The following MAMDC2 variants were observed in gnomAD, a reference collection of about 807,000 sequenced individuals.
The protein encoded by MAMDC2 is MAM domain-containing protein 2.
Under a neutral mutation model 89.8 loss-of-function variants are expected in MAMDC2, and 57 were observed. The ratio of observed to expected loss-of-function variants is 0.63; its 90% CI spans 0.51 to 0.79. The LOEUF is 0.79. Ranked by LOEUF, MAMDC2 falls within the 30% of genes least tolerant of loss-of-function variation. The pLI is 0.00. For missense variants in MAMDC2, 800 were observed against 820.6 expected (o/e 0.97, Z 0.31); for synonymous variants, 313 against 293.4 (o/e 1.07, Z -0.68).
At chr9:70,065,825 A>C (rs1827250600) in intron 2 of MAMDC2, among the ~76,000 whole-genome samples, 1 of 152,206 alleles carries the variant, frequency 6.6e-6, no homozygotes, top group South Asian at 2.1e-4. Flanking sequence ...AGCCCTAATG[A>C]ACATTTTCCC....
intron 11 of MAMDC2, among the ~76,000 whole-genome samples, chr9:70,209,702 C>G (rs190657355): frequency 5.1e-4 from 78 of 152,142 alleles, no homozygotes; most frequent in Admixed American, 4.4e-3. Flanking sequence ...GCTCTTGCTT[C>G]TCTAGTTATT....
At chr9:70,169,853 T>C (rs1238642967) in intron 10 of MAMDC2, 2 of 152,218 alleles carry the variant, frequency 1.3e-5, no homozygotes, top group African/African-American at 2.4e-5. Context: ...AGTTCTAAAA[T>C]TTAATTATTG....
At chr9:70,187,335 T>A (rs533341431) in intron 11 of MAMDC2, among the ~76,000 whole-genome samples, 11 of 151,990 alleles carry the variant, frequency 7.2e-5, no homozygotes, top group South Asian at 6.2e-4. Flanking sequence ...AATTAAAAAA[T>A]TTTTTTTGAA....
chr9:70,220,622 C>T (rs895634462), intron 12 of MAMDC2, among the ~76,000 whole-genome samples: 1 of 152,194 alleles, frequency 6.6e-6, no homozygotes, highest in African/African-American at 2.4e-5. Context: ...ATCCTATTTC[C>T]CCATTTTACA....
At chr9:70,189,039 C>T (rs1212402603) in intron 11 of MAMDC2, among the ~76,000 whole-genome samples, 2 of 152,058 alleles carry the variant, frequency 1.3e-5, no homozygotes, top group Non-Finnish European at 2.9e-5. Context: ...AGCCCATTGA[C>T]ACAGTTTTAT....
In MAMDC2 at chr9:70,045,089, G is replaced by T. The variant is rs180869146; in HGVS notation, c.148+392G>T. Among the ~76,000 whole-genome samples, 359 of 152,356 alleles carry T rather than the reference G, an allele frequency of 2.4e-3. 1 individual carries two copies. The highest frequency in any genetic ancestry group is 5.9e-3 in the Admixed American group (91 of 15,314). On this transcript the variant is annotated intron_variant, in intron 2 of 13. Transcript: ENST00000377182. ...ACATGTCTGTGAGTTGGGAAAAGTT[G>T]CATGGGACTAGTTCTCCTTCAGCTT... is the stretch of plus-strand genomic sequence containing the variant.
At chr9:70,047,192 C>T (rs1475958594) in intron 2 of MAMDC2, among the ~76,000 whole-genome samples, 17 of 145,866 alleles carry the variant, frequency 1.2e-4, no homozygotes, top group African/African-American at 4.0e-4. Flanking sequence ...ACATGCACTT[C>T]TTTTTTTTTT....
At chr9:70,071,853 AG>A (rs1202270519) in intron 2 of MAMDC2, 2 of 152,228 alleles carry the variant, frequency 1.3e-5, no homozygotes, top group African/African-American at 2.4e-5. Context: ...GGCTGAAGGA[AG>A]GGACCAAAAA....
intron 11 of MAMDC2, among the ~76,000 whole-genome samples, chr9:70,178,633 C>G (rs902637518): frequency 6.6e-6 from 1 of 152,220 alleles, no homozygotes; most frequent in South Asian, 2.1e-4. Context: ...AAGAATTAAA[C>G]CTCTCATAAC....
chr9:70,068,725 CA>C (rs34946038), intron 2 of MAMDC2, among the ~76,000 whole-genome samples: 5,365 of 99,624 alleles, frequency 0.054, 300 homozygotes, highest in African/African-American at 0.19. Flanking sequence ...CCCTCCATCA[CA>C]AAAAAAAAAA....
intron 11 of MAMDC2, among the ~76,000 whole-genome samples, chr9:70,171,584 T>C (rs1233333941): frequency 6.6e-6 from 1 of 152,144 alleles, no homozygotes; most frequent in African/African-American, 2.4e-5. Context: ...GTATACTAAC[T>C]GAATAAAAGC....
intron 2 of MAMDC2, among the ~76,000 whole-genome samples, chr9:70,095,194 G>A (rs1449887348): frequency 2.6e-5 from 4 of 152,146 alleles, no homozygotes; most frequent in African/African-American, 7.2e-5. Flanking sequence ...TTAAATATGC[G>A]AGCCAGAACA....
intron 9 of MAMDC2, among the ~76,000 whole-genome samples, chr9:70,155,086 T>G (rs1397283887): frequency 1.3e-5 from 2 of 152,128 alleles, no homozygotes; most frequent in Admixed American, 6.5e-5. Flanking sequence ...GTCCTCCTAA[T>G]GCCTGGAAAC....
chr9:70,100,837 A>G (rs1313336967), intron 2 of MAMDC2, among the ~76,000 whole-genome samples: 1 of 152,210 alleles, frequency 6.6e-6, no homozygotes, highest in African/African-American at 2.4e-5. Context: ...CTGAACAAAT[A>G]TCTTCTCTGA....
At chr9:70,091,096 A>G (rs937172947) in intron 2 of MAMDC2, among the ~76,000 whole-genome samples, 1 of 152,214 alleles carries the variant, frequency 6.6e-6, no homozygotes, top group Non-Finnish European at 1.5e-5. Flanking sequence ...TGAATAAAGT[A>G]TCTCTGGAAG....
chr9:70,060,134 C>G (rs60303481), intron 2 of MAMDC2, among the ~76,000 whole-genome samples: 12 of 152,228 alleles, frequency 7.9e-5, no homozygotes, highest in African/African-American at 2.6e-4. Context: ...GTCTATCAAC[C>G]CTGCTGAACT....
Position 70,044,102 on chromosome 9 carries a change from G to T in MAMDC2, c.-96G>T. 1 of 1,464,510 alleles carries T rather than the reference G, an allele frequency of 6.8e-7. No homozygotes were observed. The allele number at this position is 1,464,510 out of a possible 1,614,324, so 90.7% of individuals were successfully genotyped here. ...ACTTCTCCCTCCTTGGGTCCCCGGCGCCCCCGCCTCCCACGATCCCTTTCA... is the reference window on the plus strand; with the variant it reads ...ACTTCTCCCTCCTTGGGTCCCCGGCTCCCCCGCCTCCCACGATCCCTTTCA... On this transcript the variant is annotated 5_prime_UTR_variant, in exon 1 of 14. Transcript: ENST00000377182.
intron 11 of MAMDC2, among the ~76,000 whole-genome samples, chr9:70,213,312 G>A (rs1045319887): frequency 2.0e-5 from 3 of 152,118 alleles, no homozygotes; most frequent in African/African-American, 4.8e-5. Context: ...TCCCCTCATT[G>A]AGAATTTCAT....
intron 11 of MAMDC2, chr9:70,194,013 T>G (rs1482009629): frequency 6.6e-6 from 1 of 152,096 alleles, no homozygotes; most frequent in African/African-American, 2.4e-5. Context: ...TATAAATATG[T>G]CAGTTTATTT....
Sources: allele counts gnomAD v4.1 joint callset (sites outside exome capture counted in the v4.1 genomes callset), GRCh38; gene constraint gnomAD v4.1.1; transcripts MANE v1.5; gene names NCBI Gene and HGNC (gene_info 2026-07-23, HGNC 2026-07-21).